GRIA2: variants seen among roughly 807,000 people sequenced by gnomAD.
The protein encoded by GRIA2 is glutamate receptor 2.
Under a neutral mutation model 97.3 loss-of-function variants are expected in GRIA2, and 14 were observed. That is an observed-to-expected ratio of 0.14 (90% CI 0.10 to 0.23). GRIA2 has a LOEUF of 0.23. GRIA2 is among the 10% of genes least tolerant of loss of function. The pLI is 1.00. For synonymous variants in GRIA2, 412 were observed against 387.8 expected, an observed-to-expected ratio of 1.06 and a Z score of -0.73; for missense variants, 558 against 1,069.8, an observed-to-expected ratio of 0.52 and a Z score of 6.67.
At chr4:157,333,442 G>A in intron 8 of GRIA2, 89 bp downstream of exon 8, 1 of 601,896 alleles carries the variant, frequency 1.7e-6, no homozygotes, top group Admixed American at 3.2e-5. Flanking sequence ...TTCTGGAGAT[G>A]TGTATTCACA....
At chr4:157,238,219 C>T (rs1022880584) in intron 2 of GRIA2, among the ~76,000 whole-genome samples, 32 of 152,218 alleles carry the variant, frequency 2.1e-4, no homozygotes, top group Admixed American at 1.8e-3. Flanking sequence ...TTACTTGCGT[C>T]AAGATATACT....
chr4:157,323,171 C>A (rs1002078459), intron 6 of GRIA2, among the ~76,000 whole-genome samples: 1 of 150,650 alleles, frequency 6.6e-6, no homozygotes, highest in Non-Finnish European at 1.5e-5. Flanking sequence ...CCGTCTCTAC[C>A]AAAAATACAA....
chr4:157,237,509 G>T (rs1294518352), intron 2 of GRIA2, among the ~76,000 whole-genome samples: 1 of 151,922 alleles, frequency 6.6e-6, no homozygotes, highest in Non-Finnish European at 1.5e-5. Flanking sequence ...CAAACTCCTG[G>T]CCTCAAGCAA....
intron 6 of GRIA2, among the ~76,000 whole-genome samples, chr4:157,322,728 A>G (rs1402031618): frequency 6.6e-6 from 1 of 152,140 alleles, no homozygotes; most frequent in East Asian, 1.9e-4. Context: ...GAAAAATTGT[A>G]TAGTAATTTT....
At chr4:157,308,290 A>G (rs1395067377) in intron 3 of GRIA2, among the ~76,000 whole-genome samples, 1 of 152,200 alleles carries the variant, frequency 6.6e-6, no homozygotes, top group Non-Finnish European at 1.5e-5. Flanking sequence ...CATTTTATGA[A>G]TAGGTTATAC....
chr4:157,326,003 T>A (rs916582010), intron 6 of GRIA2, among the ~76,000 whole-genome samples: 4 of 152,166 alleles, frequency 2.6e-5, no homozygotes, highest in Non-Finnish European at 4.4e-5. Flanking sequence ...AGAGCCAAAG[T>A]CATCCTGTTG....
chr4:157,354,475 ACTGATATGC>A (rs1236692998), intron 12 of GRIA2, among the ~76,000 whole-genome samples: 1 of 152,170 alleles, frequency 6.6e-6, no homozygotes, highest in African/African-American at 2.4e-5. Flanking sequence ...TATTAGTTGG[ACTGATATGC>A]CTATTAATAA....
chr4:157,317,483 G>A (rs1734374298), intron 4 of GRIA2, among the ~76,000 whole-genome samples, 175 bp from the exon 5 acceptor site: 1 of 151,998 alleles, frequency 6.6e-6, no homozygotes, highest in Non-Finnish European at 1.5e-5. Flanking sequence ...CTTTTTATGA[G>A]AGAAATATTA....
At chr4:157,359,808 T>C (rs1287075848) in intron 12 of GRIA2, 88 bp from the exon 13 acceptor site, 1 of 1,184,638 alleles carries the variant, frequency 8.4e-7, no homozygotes, top group East Asian at 2.4e-5. Flanking sequence ...TCATCTATGT[T>C]TTGAAAAGTA....
intron 2 of GRIA2, among the ~76,000 whole-genome samples, chr4:157,261,533 A>C (rs1394594442): frequency 1.3e-5 from 2 of 152,146 alleles, no homozygotes; most frequent in Non-Finnish European, 2.9e-5. Flanking sequence ...GAAATTAAGT[A>C]ACTTGACTAA....
intron 2 of GRIA2, among the ~76,000 whole-genome samples, chr4:157,243,270 A>G (rs1730584759): frequency 6.6e-6 from 1 of 152,094 alleles, no homozygotes; most frequent in African/African-American, 2.4e-5. Flanking sequence ...GATGGTTTCT[A>G]TTTGATTTGA....
chr4:157,229,521 G>A (rs1348696644), intron 2 of GRIA2, among the ~76,000 whole-genome samples: 1 of 152,160 alleles, frequency 6.6e-6, no homozygotes, highest in Non-Finnish European at 1.5e-5. Flanking sequence ...GGGAATTGGT[G>A]AGTAGCTATC....
At chr4:157,335,904 A>G (rs1735263055) in intron 10 of GRIA2, 27 bp downstream of exon 10, 2 of 1,411,676 alleles carry the variant, frequency 1.4e-6, no homozygotes, top group Admixed American at 1.7e-5. Context: ...TCATAGATAA[A>G]GTCATTCAAT....
At chr4:157,323,297 T>C (rs936579714) in intron 6 of GRIA2, among the ~76,000 whole-genome samples, 6 of 112,006 alleles carry the variant, frequency 5.4e-5, no homozygotes, top group African/African-American at 2.1e-4. Context: ...ATCGCGCCAC[T>C]GCACACTCCA....
intron 11 of GRIA2, among the ~76,000 whole-genome samples, chr4:157,337,221 T>C (rs553360884): frequency 1.3e-5 from 2 of 152,158 alleles, no homozygotes; most frequent in South Asian, 2.1e-4. Context: ...AGAGATATTA[T>C]AAAATTTATT....
Position 157,312,698 on chromosome 4 carries a change from T to C in GRIA2, c.489T>C (p.Ala163=). ...DSDRGLSTLQ[A]VLDSAAEKKW... ...TCCTAGGCTTATCAACACTGCAAGC[T>C]GTGCTGGATTCTGCTGCTGAAAAGA... The change falls in exon 4 of 16, where the codon GCT becomes GCC. Residue 163 remains alanine, a synonymous_variant. Coordinates refer to ENST00000264426, the MANE Select transcript of GRIA2 (RefSeq NM_001083619.3). 6.2e-7 allele frequency: 1 copy of C among 1,603,656 alleles called. No individual in the cohort carries two copies. The highest frequency in any genetic ancestry group is 8.5e-7 in the Non-Finnish European group (1 of 1,174,080).
chr4:157,341,555 A>G (rs1735547956), intron 12 of GRIA2, 93 bp downstream of exon 12: 2 of 807,090 alleles, frequency 2.5e-6, no homozygotes, highest in Non-Finnish European at 4.3e-6. Flanking sequence ...CCAAGGTACT[A>G]TGTGAAAGCA....
chr4:157,314,629 C>G (rs1207375015), intron 4 of GRIA2, among the ~76,000 whole-genome samples: 2 of 151,944 alleles, frequency 1.3e-5, no homozygotes, highest in Admixed American at 6.6e-5. Flanking sequence ...CATGACTCAT[C>G]ATAATAAATG....
intron 2 of GRIA2, among the ~76,000 whole-genome samples, chr4:157,278,755 T>C (rs1471477148): frequency 6.7e-6 from 1 of 149,754 alleles, no homozygotes; most frequent in Non-Finnish European, 1.5e-5. Flanking sequence ...TGCAAAGAAC[T>C]CATAAAACTC....
Sources: gnomAD v4.1 joint callset for allele counts (sites outside exome capture counted in the v4.1 genomes callset) on GRCh38, gnomAD v4.1.1 for gene constraint, MANE v1.5 for transcripts, NCBI Gene and HGNC (gene_info 2026-07-23, HGNC 2026-07-21) for gene names.